GNAZ: variants seen among roughly 807,000 people sequenced by gnomAD.
GNAZ encodes the protein G protein subunit alpha z.
In GNAZ, 3 loss-of-function variants were observed where a neutral mutation model predicts 25.4. That is an observed-to-expected ratio of 0.12 (90% confidence interval 0.05 to 0.30). The LOEUF (loss-of-function observed/expected upper bound fraction) is 0.30. GNAZ is among the 10% of genes least tolerant of loss of function. The pLI, the probability that GNAZ is intolerant of heterozygous loss-of-function variation, is 1.00. For missense variants in GNAZ, 241 were observed against 501.8 expected, an observed-to-expected ratio of 0.48 and a Z score of 4.97; for synonymous variants, 211 against 205.7, an observed-to-expected ratio of 1.03 and a Z score of -0.22.
intron 2 of GNAZ, among the ~76,000 whole-genome samples, chr22:23,112,489 G>T (rs2069683373): frequency 6.6e-6 from 1 of 152,134 alleles, no homozygotes; most frequent in African/African-American, 2.4e-5. Context: ...ACAACCAGGG[G>T]TATGACAGCC....
intron 2 of GNAZ, among the ~76,000 whole-genome samples, chr22:23,099,037 C>G (rs2069212449): frequency 6.6e-6 from 1 of 152,266 alleles, no homozygotes. Context: ...TGCCAGGGCT[C>G]TGGACACGGC....
At chr22:23,072,990 C>T (rs1186476827) in intron 1 of GNAZ, among the ~76,000 whole-genome samples, 1 of 152,208 alleles carries the variant, frequency 6.6e-6, no homozygotes, top group Non-Finnish European at 1.5e-5. Flanking sequence ...GCCAGTGGGA[C>T]AGGAATGCTG....
At chr22:23,108,479 G>A (rs1018185426) in intron 2 of GNAZ, among the ~76,000 whole-genome samples, 1 of 152,264 alleles carries the variant, frequency 6.6e-6, no homozygotes, top group Admixed American at 6.5e-5. Context: ...GGAAGCAGGA[G>A]TCAGGAGACA....
intron 2 of GNAZ, chr22:23,122,232 T>TGGG (rs2070052091): frequency 2.0e-5 from 3 of 152,218 alleles, no homozygotes; most frequent in African/African-American, 7.2e-5. Context: ...GCATCATGCT[T>TGGG]CTTAAAAGCC....
intron 2 of GNAZ, among the ~76,000 whole-genome samples, chr22:23,114,722 G>C (rs192823124): frequency 2.0e-5 from 3 of 152,302 alleles, no homozygotes; most frequent in Non-Finnish European, 4.4e-5. Flanking sequence ...TTTTTTGGAG[G>C]GGGGACAGGT....
chr22:23,113,974 C>A (rs185359041), intron 2 of GNAZ, among the ~76,000 whole-genome samples: 50 of 152,354 alleles, frequency 3.3e-4, no homozygotes, highest in South Asian at 2.9e-3. Flanking sequence ...GGCAGCCCCA[C>A]CAAGGTGTCC....
chr22:23,091,114 G>A (rs952752571), intron 1 of GNAZ, among the ~76,000 whole-genome samples: 10 of 152,228 alleles, frequency 6.6e-5, no homozygotes, highest in East Asian at 1.9e-4. Flanking sequence ...CTGCACACAC[G>A]CACAACCACA....
chr22:23,092,398 A>G (rs1020435793), intron 1 of GNAZ, among the ~76,000 whole-genome samples: 15 of 152,050 alleles, frequency 9.9e-5, no homozygotes, highest in African/African-American at 3.4e-4. Context: ...ATACCCCCAA[A>G]CACAACACAG....
rs891822916 is a variant in GNAZ, at chr22:23,123,556, G to A, written c.*125G>A. 35 of 628,756 alleles carry A rather than the reference G, an allele frequency of 5.6e-5. No homozygotes were observed. In the African/African-American group the frequency reaches 5.7e-4, roughly 10 times the overall value. 38.9% of individuals were successfully genotyped at this position (628,756 alleles called of 1,614,324 possible). A position where few individuals can be genotyped will look rare whatever the true frequency, so the allele number is the denominator to read the frequency against. On this transcript the variant is annotated 3_prime_UTR_variant, in exon 3 of 3. Coordinates refer to ENST00000615612, the MANE Select transcript of GNAZ (RefSeq NM_002073.4). Reference sequence around the variant, plus strand: ...GCCTAAAGAATGTCCCCCACCCCTTGGCCTCTGCCTCCTTGGCCCCACATT... The same window carrying A: ...GCCTAAAGAATGTCCCCCACCCCTTAGCCTCTGCCTCCTTGGCCCCACATT...
chr22:23,087,105 A>G (rs1028107547), intron 1 of GNAZ, among the ~76,000 whole-genome samples: 2 of 152,178 alleles, frequency 1.3e-5, no homozygotes, highest in African/African-American at 4.8e-5. Flanking sequence ...TCGGTTTCTA[A>G]AATAGTATCA....
chr22:23,122,801 C>T (rs2070069359), intron 2 of GNAZ: 1 of 484,012 alleles, frequency 2.1e-6, no homozygotes, highest in South Asian at 3.0e-5. Context: ...CATCTGTAGC[C>T]CCAAAGCTAT....
intron 2 of GNAZ, among the ~76,000 whole-genome samples, chr22:23,106,805 G>A (rs1257038404): frequency 6.6e-6 from 1 of 152,252 alleles, no homozygotes; most frequent in Non-Finnish European, 1.5e-5. Flanking sequence ...TCGGGTTTCA[G>A]GAAAAGTTGT....
chr22:23,117,397 C>G (rs549490514), intron 2 of GNAZ, among the ~76,000 whole-genome samples: 8 of 152,244 alleles, frequency 5.3e-5, no homozygotes, highest in Non-Finnish European at 1.0e-4. Flanking sequence ...CCAGGCTGAC[C>G]TGGGCCCTGT....
In GNAZ at chr22:23,071,531, G is replaced by T. The variant is rs999857126; in HGVS notation, c.-450+961G>T. Reference sequence around the variant, plus strand: ...CCTGCCCTGGGGATTGAGCTCTCTGGAGAAGGCTCCTTGGCCAAATTCAAT... The same window carrying T: ...CCTGCCCTGGGGATTGAGCTCTCTGTAGAAGGCTCCTTGGCCAAATTCAAT... On this transcript the variant is annotated intron_variant, in intron 1 of 2. Coordinates refer to ENST00000615612, the MANE Select transcript of GNAZ (RefSeq NM_002073.4). The surrounding 1 kb of genome is among the most constrained non-coding windows in gnomAD (Gnocchi z 4.1). 2.0e-5 allele frequency among the ~76,000 whole-genome samples: 3 copies of T among 152,224 alleles called. No homozygotes were observed. The highest frequency in any genetic ancestry group is 2.0e-4 in the Admixed American group (3 of 15,290).
At chr22:23,074,201 A>C (rs1232740787) in intron 1 of GNAZ, among the ~76,000 whole-genome samples, 1 of 152,164 alleles carries the variant, frequency 6.6e-6, no homozygotes, top group East Asian at 1.9e-4. Flanking sequence ...GCTAATCTAC[A>C]CTTTGAAAAG....
chr22:23,097,874 C>G (rs1233056970), intron 2 of GNAZ, among the ~76,000 whole-genome samples: 1 of 152,232 alleles, frequency 6.6e-6, no homozygotes, highest in African/African-American at 2.4e-5. Flanking sequence ...CTGGCCTCAC[C>G]CATCACCACA....
At chr22:23,103,654 A>G (rs914935603) in intron 2 of GNAZ, among the ~76,000 whole-genome samples, 4 of 152,206 alleles carry the variant, frequency 2.6e-5, no homozygotes, top group African/African-American at 9.7e-5. Context: ...CTAACACGAG[A>G]CCACAAGCTG....
At chr22:23,102,918 G>A (rs1230910480) in intron 2 of GNAZ, among the ~76,000 whole-genome samples, 1 of 152,242 alleles carries the variant, frequency 6.6e-6, no homozygotes, top group Non-Finnish European at 1.5e-5. Context: ...CAGGAGGTCA[G>A]CCAGCGTGGG....
At chr22:23,097,490 C>T (rs919132123) in intron 2 of GNAZ, among the ~76,000 whole-genome samples, 1 of 152,202 alleles carries the variant, frequency 6.6e-6, no homozygotes, top group Non-Finnish European at 1.5e-5. Flanking sequence ...GGCGGGCTTG[C>T]CTCCCTCCCC....
Sources: gnomAD v4.1 joint callset for allele counts (sites outside exome capture counted in the v4.1 genomes callset) on GRCh38, gnomAD v4.1.1 for gene constraint, Gnocchi (gnomAD v3.1) non-coding constraint, MANE v1.5 for transcripts, NCBI Gene and HGNC (gene_info 2026-07-23, HGNC 2026-07-21) for gene names.